PDZRN3: variants seen among roughly 807,000 people sequenced by gnomAD.
PDZRN3 encodes E3 ubiquitin-protein ligase PDZRN3.
Under a neutral mutation model 85.7 loss-of-function variants are expected in PDZRN3, and 38 were observed. The observed-to-expected ratio is 0.44, with a 90% confidence interval of 0.34 to 0.58. The LOEUF is 0.58. Ranked by LOEUF, PDZRN3 falls within the 20% of genes least tolerant of loss-of-function variation. The pLI, the probability that PDZRN3 is intolerant of heterozygous loss-of-function variation, is 0.01. For synonymous variants in PDZRN3, 759 were observed against 638.0 expected, an observed-to-expected ratio of 1.19 and a Z score of -2.86; for missense variants, 1,629 against 1,506.4, an observed-to-expected ratio of 1.08 and a Z score of -1.35.
At chr3:73,412,670 G>C (rs923035747) in intron 3 of PDZRN3, among the ~76,000 whole-genome samples, 21 of 152,156 alleles carry the variant, frequency 1.4e-4, no homozygotes, top group Admixed American at 6.5e-5. Context: ...TTCATCTCTT[G>C]ATGCCTTAGT....
chr3:73,485,638 C>G (rs1241197873), intron 3 of PDZRN3, among the ~76,000 whole-genome samples: 1 of 152,150 alleles, frequency 6.6e-6, no homozygotes, highest in Non-Finnish European at 1.5e-5. Context: ...AGATCTTGGT[C>G]AAGTCCAAAC....
intron 3 of PDZRN3, among the ~76,000 whole-genome samples, chr3:73,601,732 C>T (rs1461113657): frequency 6.6e-6 from 1 of 152,164 alleles, no homozygotes; most frequent in African/African-American, 2.4e-5. Context: ...GAGAGATCCA[C>T]TTCCCCTACA....
chr3:73,430,585 T>C (rs953580), intron 3 of PDZRN3, among the ~76,000 whole-genome samples: 16,705 of 152,122 alleles, frequency 0.11, 1,295 homozygotes, highest in African/African-American at 0.22. Context: ...TCCCCTTGAC[T>C]TGACAGTACA....
At chr3:73,617,450 C>T (rs1449669345) in intron 1 of PDZRN3, among the ~76,000 whole-genome samples, 2 of 152,152 alleles carry the variant, frequency 1.3e-5, no homozygotes, top group Non-Finnish European at 2.9e-5. Context: ...AATAGTAAGA[C>T]TTGTGCTTTC....
chr3:73,385,585 T>TTC, intron 9 of PDZRN3, 84 bp downstream of exon 9: 1 of 817,030 alleles, frequency 1.2e-6, no homozygotes, highest in South Asian at 1.5e-5. Context: ...TGATGGTCTT[T>TTC]AGCACCATAA....
intron 3 of PDZRN3, among the ~76,000 whole-genome samples, chr3:73,429,609 T>A (rs1702389001): frequency 6.6e-6 from 1 of 152,246 alleles, no homozygotes. Flanking sequence ...CAACTGGCTA[T>A]GAGATTGATG....
At chr3:73,605,213 A>G (rs1337656422) in intron 2 of PDZRN3, among the ~76,000 whole-genome samples, 1 of 152,052 alleles carries the variant, frequency 6.6e-6, no homozygotes, top group Non-Finnish European at 1.5e-5. Context: ...GTCTCAAAAA[A>G]AAAAAAAAAG....
At chr3:73,575,979 G>C (rs948760762) in intron 3 of PDZRN3, among the ~76,000 whole-genome samples, 2 of 152,086 alleles carry the variant, frequency 1.3e-5, no homozygotes, top group African/African-American at 4.8e-5. Context: ...GAGGGGCAGG[G>C]GGATGAGGAA....
intron 3 of PDZRN3, among the ~76,000 whole-genome samples, chr3:73,567,284 A>T (rs1701966974): frequency 6.6e-6 from 1 of 152,136 alleles, no homozygotes; most frequent in Admixed American, 6.5e-5. Flanking sequence ...AATTATTTGC[A>T]TATGTTGGAC....
At chr3:73,415,036 A>ATGAT (rs1400275889) in intron 3 of PDZRN3, among the ~76,000 whole-genome samples, 2 of 152,200 alleles carry the variant, frequency 1.3e-5, no homozygotes, top group Admixed American at 1.3e-4. Context: ...TGGTCAAATA[A>ATGAT]TGATTGCGAA....
intron 8 of PDZRN3, among the ~76,000 whole-genome samples, chr3:73,387,210 T>C (rs745883705): frequency 7.2e-5 from 11 of 152,280 alleles, no homozygotes; most frequent in Non-Finnish European, 1.3e-4. Flanking sequence ...GTCTCGAGTA[T>C]GTCTTTATCA....
intron 3 of PDZRN3, among the ~76,000 whole-genome samples, chr3:73,518,282 A>C (rs1171941827): frequency 1.3e-5 from 2 of 152,216 alleles, no homozygotes; most frequent in Admixed American, 6.5e-5. Context: ...GATACCACCT[A>C]TGTGGTATCT....
At chr3:73,588,224 G>A (rs1050596070) in intron 3 of PDZRN3, among the ~76,000 whole-genome samples, 1 of 152,080 alleles carries the variant, frequency 6.6e-6, no homozygotes. Context: ...GAGGATGATG[G>A]CTTCCAGCTT....
Position 73,383,401 on chromosome 3 carries a change from T to G in PDZRN3, c.3165A>C (p.Arg1055Ser). Residue 1055 changes from arginine to serine, a missense_variant, in exon 10 of 10, where the codon AGA becomes AGC. Coordinates refer to ENST00000263666, the MANE Select transcript of PDZRN3 (RefSeq NM_015009.3). Reference sequence around the variant, plus strand: ...TCACCGATAGGAAGGAATTGTATACTCTAGTGCCGTCCGGGGATTTTGTGC... The same window carrying G: ...TCACCGATAGGAAGGAATTGTATACGCTAGTGCCGTCCGGGGATTTTGTGC... ...THGTKSPDGT[R>S]VYNSFLSVTT... 1.9e-6 allele frequency: 3 copies of G among 1,613,790 alleles called. No individual in the cohort carries two copies. The highest frequency in any genetic ancestry group is 2.5e-6 in the Non-Finnish European group (3 of 1,179,786).
intron 3 of PDZRN3, 153 bp from the exon 4 acceptor site, chr3:73,404,548 CG>C: frequency 1.4e-6 from 1 of 696,892 alleles, no homozygotes; most frequent in Non-Finnish European, 2.4e-6. Context: ...TTAGGTTTCC[CG>C]AAGAATGCCT....
At chr3:73,551,277 T>C (rs1412029035) in intron 3 of PDZRN3, among the ~76,000 whole-genome samples, 1 of 152,106 alleles carries the variant, frequency 6.6e-6, no homozygotes, top group Non-Finnish European at 1.5e-5. Context: ...AATACTTTGG[T>C]ATAGAAAGAA....
chr3:73,549,262 G>A (rs891686550), intron 3 of PDZRN3, among the ~76,000 whole-genome samples: 7 of 152,168 alleles, frequency 4.6e-5, no homozygotes, highest in East Asian at 1.9e-4. Flanking sequence ...GGCAGTGCAC[G>A]ACTTCAATTT....
intron 5 of PDZRN3, 95 bp downstream of exon 5, chr3:73,400,827 G>C: frequency 1.1e-6 from 1 of 872,954 alleles, no homozygotes; most frequent in South Asian, 1.4e-5. Flanking sequence ...CTTTCCATCG[G>C]CATCCGTAAA....
intron 3 of PDZRN3, among the ~76,000 whole-genome samples, chr3:73,434,898 T>C (rs1175022366): frequency 6.6e-6 from 1 of 152,194 alleles, no homozygotes; most frequent in African/African-American, 2.4e-5. Context: ...CTGACACCTT[T>C]TCTAAAAACT....
Sources: allele counts gnomAD v4.1 joint callset (sites outside exome capture counted in the v4.1 genomes callset), GRCh38; gene constraint gnomAD v4.1.1; transcripts MANE v1.5; gene names NCBI Gene and HGNC (gene_info 2026-07-23, HGNC 2026-07-21).